Variants in ITGA4 observed in about 807,000 individuals in gnomAD.
ITGA4 encodes the protein integrin alpha-4.
ITGA4 carries 63 observed loss-of-function variants against 133.6 expected under a neutral mutation model. That is an observed-to-expected ratio of 0.47 (90% CI 0.38 to 0.58). The LOEUF is 0.58. ITGA4 is among the 20% of genes least tolerant of loss of function. The pLI, the probability that ITGA4 is intolerant of heterozygous loss-of-function variation, is 0.00. For missense variants in ITGA4, 1,076 were observed against 1,252.7 expected, an observed-to-expected ratio of 0.86 and a Z score of 2.13; for synonymous variants, 483 against 438.0, an observed-to-expected ratio of 1.10 and a Z score of -1.28.
intron 23 of ITGA4, 85 bp from the exon 24 acceptor site, chr2:181,530,439 T>G: frequency 7.9e-7 from 1 of 1,262,452 alleles, no homozygotes; most frequent in Non-Finnish European, 1.1e-6. Context: ...AAAGATAAGC[T>G]ACTGGAACTT....
At position 181,522,309 on chromosome 2, in the gene ITGA4, G is replaced by A. The variant is rs746807429; in HGVS notation, c.2041G>A (p.Val681Met). ...YETTLHVKLPVGLYFIKILEL... is the reference protein window; with the variant it reads ...YETTLHVKLPMGLYFIKILEL... The stretch of plus-strand genomic sequence containing the variant: ...AACGACTCTACATGTCAAACTACCC[G>A]TGGGTCTTTATTTCATTAAGATTTT... Residue 681 changes from valine to methionine, a missense_variant, in exon 18 of 28, where the codon GTG becomes ATG. Physicochemically the swap from Val to Met is conservative, Grantham distance 21. Transcript: ENST00000397033. The A allele has an allele frequency of 7.8e-5, 125 of 1,607,792 alleles. No homozygotes were observed. Among genetic ancestry groups the A allele is most frequent in the Non-Finnish European group, 1.0e-4 (118 of 1,176,268 alleles).
intron 17 of ITGA4, 112 bp downstream of exon 17, chr2:181,511,887 C>A (rs1316477145): frequency 3.4e-6 from 2 of 593,388 alleles, no homozygotes; most frequent in Non-Finnish European, 6.1e-6. Context: ...AAATTAACAG[C>A]GTTTAAAGAA....
Position 181,474,971 on chromosome 2 carries a change from G to A in ITGA4, c.331G>A (p.Gly111Arg), listed in dbSNP as rs1432982845. ...TTCACATGCTATAGGTAGCCCTAAT[G>A]GAGAACCTTGTGGAAAGACTTGTTT... ...CEQLQLGSPN[G>R]EPCGKTCLEE... Residue 111 changes from glycine (G) to arginine (R), a missense_variant, in exon 3 of 28, where the codon GGA becomes AGA. Around this residue, in one of 4 missense-constraint regions of ITGA4, gnomAD observed 436 missense variants for 590.7 expected, o/e 0.74. Coordinates refer to ENST00000397033, the MANE Select transcript of ITGA4 (RefSeq NM_000885.6). The A allele has an allele frequency of 1.2e-6, 2 of 1,613,386 alleles. No homozygotes were observed. Among genetic ancestry groups the A allele is most frequent in the Non-Finnish European group, 1.7e-6 (2 of 1,179,502 alleles).
rs1025510864 is a variant in ITGA4, at chr2:181,529,601, T to A, written c.2491T>A (p.Ser831Thr). The A allele has an allele frequency of 3.7e-6, 6 of 1,609,938 alleles. No individual in the cohort carries two copies. The African/African-American group carries it at 6.7e-5, about 18-fold the overall frequency. The change falls in exon 23 of 28, where the codon TCT becomes ACT. Residue 831 changes from serine (S) to threonine (T), a missense_variant. Physicochemically the swap from Ser to Thr is moderately conservative, Grantham distance 58. This residue lies in a region of ITGA4 where 365 missense variants were observed against 421.4 expected (regional missense o/e 0.87). Coordinates refer to ENST00000397033, the MANE Select transcript of ITGA4 (RefSeq NM_000885.6). ...NVSVEIMVPN[S>T]FSPQTDKLFN... The stretch of plus-strand genomic sequence containing the variant: ...TAGTGTGGAAATAATGGTACCAAAT[T>A]CTTTTAGCCCCCAAACTGATAAGCT...
chr2:181,489,143 T>G (rs962344179), intron 10 of ITGA4, among the ~76,000 whole-genome samples: 1 of 152,236 alleles, frequency 6.6e-6, no homozygotes, highest in East Asian at 1.9e-4. Flanking sequence ...TGTAGGATTA[T>G]GAAGAAAGAG....
chr2:181,515,396 A>G (rs952588606), intron 17 of ITGA4, among the ~76,000 whole-genome samples: 1 of 152,064 alleles, frequency 6.6e-6, no homozygotes, highest in Non-Finnish European at 1.5e-5. Context: ...AGTCATTACT[A>G]TTTCTATTTT....
chr2:181,501,275 G>C (rs1444100571), intron 15 of ITGA4, among the ~76,000 whole-genome samples: 1 of 152,086 alleles, frequency 6.6e-6, no homozygotes, highest in Admixed American at 6.6e-5. Flanking sequence ...GTATTCCAGC[G>C]AGAAAAGCTG....
At chr2:181,506,519 A>T (rs1018635304) in intron 15 of ITGA4, among the ~76,000 whole-genome samples, 1 of 152,058 alleles carries the variant, frequency 6.6e-6, no homozygotes, top group African/African-American at 2.4e-5. Flanking sequence ...TCAGACCACT[A>T]TTGCTTTTAA....
chr2:181,490,519 G>C (rs939567122), intron 10 of ITGA4, among the ~76,000 whole-genome samples: 11 of 125,042 alleles, frequency 8.8e-5, no homozygotes, highest in East Asian at 6.9e-4. Flanking sequence ...GTGTGTGTGT[G>C]TGTGTGTCTG....
At position 181,523,597 on chromosome 2, in the gene ITGA4, C is replaced by CT; in HGVS notation, c.2169+68dup. The CT allele has an allele frequency of 1.2e-6, 1 of 845,764 alleles. No homozygotes were observed. The highest frequency in any genetic ancestry group is 1.7e-5 in the African/African-American group (1 of 58,878). The allele number at this position is 845,764 out of a possible 1,614,324, so 52.4% of individuals were successfully genotyped here. ...AATATTTTTTTCTATTCTTCCCTAT[C>CT]TTTAGGTTGCATAGAAAATATTATA... On this transcript the variant is annotated intron_variant, in intron 19 of 27. Transcript: ENST00000397033. The surrounding 1 kb of genome is among the most constrained non-coding windows in gnomAD (Gnocchi z 4.2).
intron 10 of ITGA4, among the ~76,000 whole-genome samples, chr2:181,488,520 A>C (rs2105739005): frequency 6.6e-6 from 1 of 152,168 alleles, no homozygotes; most frequent in Non-Finnish European, 1.5e-5. Flanking sequence ...GAGTGTTTAT[A>C]ATGCCATATA....
rs543490815 is a variant in ITGA4 at position 181,478,078 on chromosome 2, G to A, written c.557-679G>A. On this transcript the variant is annotated intron_variant, in intron 4 of 27. Transcript: ENST00000397033. ...GAAATTCTGACTTTTGTGACAACAT[G>A]GATGACCCCGAAGGACATTATTTTA... Among the ~76,000 whole-genome samples the A allele has an allele frequency of 3.3e-4, 50 of 152,112 alleles. 1 individual carries two copies. In the Middle Eastern group the frequency reaches 0.014, roughly 41 times the overall value.
chr2:181,503,810 TTATG>T (rs1297899204), intron 15 of ITGA4, among the ~76,000 whole-genome samples: 3 of 98,622 alleles, frequency 3.0e-5, no homozygotes, highest in Non-Finnish European at 6.2e-5. Flanking sequence ...GTTTCCCCAT[TTATG>T]TAAGTATATG....
At chr2:181,504,257 T>A (rs1338113676) in intron 15 of ITGA4, among the ~76,000 whole-genome samples, 1 of 152,052 alleles carries the variant, frequency 6.6e-6, no homozygotes, top group East Asian at 1.9e-4. Context: ...TCTACCTGGG[T>A]AGATTAGTTA....
At chr2:181,509,618 G>A (rs1686464186) in intron 15 of ITGA4, 40 bp from the exon 16 acceptor site, 2 of 1,504,126 alleles carry the variant, frequency 1.3e-6, no homozygotes, top group Admixed American at 4.6e-5. Context: ...TAATCTACGT[G>A]CTTGTTTTTG....
intron 2 of ITGA4, among the ~76,000 whole-genome samples, chr2:181,467,539 T>G (rs1685449800): frequency 6.6e-6 from 1 of 152,122 alleles, no homozygotes; most frequent in Non-Finnish European, 1.5e-5. Flanking sequence ...CCTTCTTTCT[T>G]TAGTGGAAAT....
At position 181,538,228 on chromosome 2, in the gene ITGA4, T is replaced by G; in HGVS notation, c.*2701T>G. On this transcript the variant is annotated 3_prime_UTR_variant, in exon 28 of 28. Transcript: ENST00000397033. ...TCCATGCTTCCTCCATAAAGACTGA[T>G]AAGTCTTGGATGCAATCTGTAAAGA... 1 of 1,590,768 alleles carries G rather than the reference T, an allele frequency of 6.3e-7. No homozygotes were observed. The highest frequency in any genetic ancestry group is 8.6e-7 in the Non-Finnish European group (1 of 1,159,742).
At chr2:181,519,294 G>A (rs1686671155) in intron 17 of ITGA4, among the ~76,000 whole-genome samples, 1 of 152,064 alleles carries the variant, frequency 6.6e-6, no homozygotes, top group Non-Finnish European at 1.5e-5. Context: ...ATCAAGGAGG[G>A]TGAGGACAAT....
intron 4 of ITGA4, among the ~76,000 whole-genome samples, chr2:181,476,667 C>T (rs1344296707): frequency 2.0e-5 from 3 of 152,104 alleles, no homozygotes; most frequent in Non-Finnish European, 4.4e-5. Context: ...TAAGAAAGGA[C>T]ACTCTCTTCA....
Sources: gnomAD v4.1 joint callset for allele counts (sites outside exome capture counted in the v4.1 genomes callset) on GRCh38, gnomAD v4.1.1 for gene constraint, gnomAD v4.1.1 regional missense constraint, Gnocchi (gnomAD v3.1) non-coding constraint, MANE v1.5 for transcripts, NCBI Gene and HGNC (gene_info 2026-07-23, HGNC 2026-07-21) for gene names.